NTN5: variants seen among roughly 807,000 people sequenced by gnomAD.
NTN5 encodes netrin-5.
A neutral mutation model predicts 38.7 loss-of-function variants in NTN5; 42 were observed. The observed-to-expected ratio is 1.08, with a 90% confidence interval of 0.85 to 1.40. The LOEUF (loss-of-function observed/expected upper bound fraction) is 1.40, where lower values mean the gene tolerates loss of function less well. Ranked by LOEUF, NTN5 falls within the 40% of genes most tolerant of loss-of-function variation. The probability of loss-of-function intolerance (pLI) is 0.00; values close to 1 mark genes in which losing one functional copy is unlikely to be tolerated. For synonymous variants in NTN5, 329 were observed against 303.9 expected (o/e 1.08, Z -0.86); for missense variants, 658 against 716.5 (o/e 0.92, Z 0.93).
rs770526726 is a variant in NTN5 at position 48,661,631 on chromosome 19, G to C, written c.*46C>G. The C allele has an allele frequency of 6.8e-7, 1 of 1,465,028 alleles. No homozygotes were observed. Among genetic ancestry groups the C allele is most frequent in the Non-Finnish European group, 9.0e-7 (1 of 1,116,124 alleles). 90.8% of individuals were successfully genotyped at this position (1,465,028 alleles called of 1,614,324 possible). On this transcript the variant is annotated 3_prime_UTR_variant, in exon 7 of 7. Coordinates refer to ENST00000270235, the MANE Select transcript of NTN5 (RefSeq NM_145807.4). ...GAGGTAGAAGGCTCAGCTCCTAGTC[G>C]CTCCCAAATTACTTTGTTGGTGCTC...
intron 2 of NTN5, among the ~76,000 whole-genome samples, chr19:48,665,954 TATA>T (rs1183230937): frequency 1.5e-5 from 2 of 137,156 alleles, no homozygotes; most frequent in African/African-American, 3.3e-5. Flanking sequence ...AAATGGCATT[TATA>T]ATGTTTACTT....
At chr19:48,667,228 G>A (rs1354365841) in intron 2 of NTN5, 1 of 167,922 alleles carries the variant, frequency 6.0e-6, no homozygotes, top group Non-Finnish European at 1.4e-5. Flanking sequence ...GGAGAACTCA[G>A]ATGAGGGAGA....
chr19:48,670,601 G>T lies in NTN5; in HGVS notation c.386C>A (p.Pro129His). The change falls in exon 2 of 7, where the codon CCT (proline) becomes CAT (histidine). Residue 129 changes from proline to histidine, a missense_variant. Physicochemically the swap from Pro to His is moderately conservative, Grantham distance 77. Transcript: ENST00000270235. ...GTGGCTGGCCGCCACAGTGGCCTTA[G>T]GACCTGGTGTGGAGTGGAAGGTCAC... is the stretch of plus-strand genomic sequence containing the variant. ...ERVTFHSTPG[P>H]KATVAASHLR... 6.3e-7 allele frequency: 1 copy of T among 1,590,714 alleles called. No homozygotes were observed. The highest frequency in any genetic ancestry group is 8.6e-7 in the Non-Finnish European group (1 of 1,169,198).
In NTN5 at chr19:48,664,746, G is replaced by A; in HGVS notation, c.653C>T (p.Ala218Val). The A allele has an allele frequency of 2.5e-6, 4 of 1,572,226 alleles. No homozygotes were observed. The highest frequency in any genetic ancestry group is 2.6e-6 in the Non-Finnish European group (3 of 1,160,014). The change falls in exon 3 of 7, where the codon GCC (alanine) becomes GTC (valine). Residue 218 changes from alanine (A) to valine (V), a missense_variant. Coordinates refer to ENST00000270235, the MANE Select transcript of NTN5 (RefSeq NM_145807.4). ...PCLPCSCNQH[A>V]RRCRFNSELF... is the part of the protein sequence containing the mutation. ...CTCAGAGTTGAACCGGCAGCGTCGG[G>A]CGTGCTGGTTGCAGGAGCAGGCTAG... is the stretch of plus-strand genomic sequence containing the variant.
At chr19:48,669,444 CCAT>C (rs1568452110) in intron 2 of NTN5, among the ~76,000 whole-genome samples, 1 of 47,744 alleles carries the variant, frequency 2.1e-5, no homozygotes, top group Non-Finnish European at 4.4e-5. Flanking sequence ...ACCACCACCA[CCAT>C]CACCACCATG....
Position 48,664,721 on chromosome 19 carries a change from C to G in NTN5, c.678G>C (p.Glu226Asp). 6.2e-7 allele frequency: 1 copy of G among 1,600,368 alleles called. No individual in the cohort carries two copies. The highest frequency in any genetic ancestry group is 8.5e-7 in the Non-Finnish European group (1 of 1,173,640). Residue 226 changes from glutamate to aspartate, a missense_variant, in exon 3 of 7, where the codon GAG (glutamate) becomes GAC (aspartate). Physicochemically the swap from Glu to Asp is conservative, Grantham distance 45. Coordinates refer to ENST00000270235, the MANE Select transcript of NTN5 (RefSeq NM_145807.4). Reference protein sequence around the residue: ...QHARRCRFNSELFRLSGGRSG... With the variant: ...QHARRCRFNSDLFRLSGGRSG... ...TCCGGCCGCCCGACAGTCTGAACAG[C>G]TCAGAGTTGAACCGGCAGCGTCGGG...
At chr19:48,662,096 G>C (rs2031565908) in intron 6 of NTN5, 55 bp from the exon 7 acceptor site, 1 of 1,355,274 alleles carries the variant, frequency 7.4e-7, no homozygotes, top group African/African-American at 1.6e-5. Flanking sequence ...GGGTACCTCT[G>C]GGTCCCGTGG....
At position 48,671,105 on chromosome 19, in the gene NTN5, T is replaced by C. The variant is rs1200898318; in HGVS notation, c.-20-99A>G. On this transcript the variant is annotated intron_variant, in intron 1 of 6. Transcript: ENST00000270235. ...ACTGGGGCATTCCACCCCCAACCCG[T>C]CCAGGCCCCCTCCCCGGCTGCATGG... is the stretch of plus-strand genomic sequence containing the variant. 8 of 820,726 alleles carry C rather than the reference T, an allele frequency of 9.7e-6. No individual in the cohort carries two copies. The Admixed American group carries it at 1.7e-4, about 17-fold the overall frequency. The allele number at this position is 820,726 out of a possible 1,614,324, so 50.8% of individuals were successfully genotyped here.
At chr19:48,665,919 C>G (rs1248937486) in intron 2 of NTN5, among the ~76,000 whole-genome samples, 2 of 151,940 alleles carry the variant, frequency 1.3e-5, no homozygotes, top group Non-Finnish European at 2.9e-5. Flanking sequence ...GGTAATTTAT[C>G]CCTTCTGTAG....
rs141446313 is a variant in NTN5 at position 48,664,623 on chromosome 19, C to G, written c.776G>C (p.Trp259Ser). Residue 259 changes from tryptophan to serine, a missense_variant, in exon 3 of 7, where the codon TGG becomes TCG. Physicochemically the swap from Trp to Ser is radical, Grantham distance 177. Coordinates refer to ENST00000270235, the MANE Select transcript of NTN5 (RefSeq NM_145807.4). ...RHCHYCQPGFWRDPSQPIFSR... is the reference protein window; with the variant it reads ...RHCHYCQPGFSRDPSQPIFSR... ...GAAGATAGGCTGGCTAGGGTCCCTCCAGAACCCAGGTTGGCAGTAGTGGCA... is the reference window on the plus strand; with the variant it reads ...GAAGATAGGCTGGCTAGGGTCCCTCGAGAACCCAGGTTGGCAGTAGTGGCA... The G allele has an allele frequency of 8.7e-6, 14 of 1,613,720 alleles. No homozygotes were observed. In the African/African-American group the frequency reaches 1.9e-4, roughly 21 times the overall value.
In NTN5 at chr19:48,661,740, C is replaced by T; in HGVS notation, c.1407G>A (p.Glu469=). The T allele has an allele frequency of 6.5e-7, 1 of 1,534,622 alleles. No individual in the cohort carries two copies. The change falls in exon 7 of 7, where the codon GAG becomes GAA. Residue 469 remains glutamate (E), a synonymous_variant. Coordinates refer to ENST00000270235, the MANE Select transcript of NTN5 (RefSeq NM_145807.4). ...CGCCGCGGCAGCCTCCGGCGCGCTCCTCCTGCTGCAGCCGCTTCAGGGGCC... is the reference window on the plus strand; with the variant it reads ...CGCCGCGGCAGCCTCCGGCGCGCTCTTCCTGCTGCAGCCGCTTCAGGGGCC... The part of the protein sequence containing the change: ...WARPLKRLQQ[E]ERAGGCRGVR...
rs377166833 is a variant in NTN5, at chr19:48,663,872, C to G, written c.971-58G>C. On this transcript the variant is annotated intron_variant, in intron 4 of 6. Coordinates refer to ENST00000270235, the MANE Select transcript of NTN5 (RefSeq NM_145807.4). ...TCATTTCCCCCAGGATCCCCTCGCC[C>G]CTGCCCCGGGAATCCAGGCACCCAA... 159 of 1,543,636 alleles carry G rather than the reference C, an allele frequency of 1.0e-4. No individual in the cohort carries two copies. In the Middle Eastern group the frequency reaches 1.9e-3, roughly 18 times the overall value.
chr19:48,664,003 T>C (rs1404052272), intron 4 of NTN5, 140 bp downstream of exon 4: 3 of 1,229,534 alleles, frequency 2.4e-6, no homozygotes, highest in Non-Finnish European at 3.4e-6. Flanking sequence ...TCCCTGCTTA[T>C]CCGAGGGCCC....
At position 48,663,544 on chromosome 19, in the gene NTN5, C is replaced by T. The variant is rs758408718; in HGVS notation, c.1025-1G>A. On this transcript the variant is annotated splice_acceptor_variant, in intron 5 of 6. Coordinates refer to ENST00000270235, the MANE Select transcript of NTN5 (RefSeq NM_145807.4). LOFTEE classifies it high-confidence loss of function. ...TTGCAGTAGTTTTGACACTGAGGGT[C>T]TGGGGAGGGTCAGGCTGTCTGCAGT... is the stretch of plus-strand genomic sequence containing the variant. 2 of 1,614,142 alleles carry T rather than the reference C, an allele frequency of 1.2e-6. No individual in the cohort carries two copies. Among genetic ancestry groups the T allele is most frequent in the Non-Finnish European group, 1.7e-6 (2 of 1,179,968 alleles).
At chr19:48,662,064 CCCAGGTCGTGGG>C in intron 6 of NTN5, 23 bp from the exon 7 acceptor site, 1 of 1,433,402 alleles carries the variant, frequency 7.0e-7, no homozygotes, top group Non-Finnish European at 9.1e-7. Flanking sequence ...GAGATGTCAG[CCCAGGTCGTGGG>C]GAGCTTCCAG....
At chr19:48,672,272 A>G (rs1601217375) in intron 1 of NTN5, among the ~76,000 whole-genome samples, 2 of 152,134 alleles carry the variant, frequency 1.3e-5, no homozygotes, top group African/African-American at 4.8e-5. Context: ...GCTGGGAAGG[A>G]CTGGACTCTG....
At position 48,661,726 on chromosome 19, in the gene NTN5, C is replaced by G; in HGVS notation, c.1421G>C (p.Gly474Ala). 6.5e-7 allele frequency: 1 copy of G among 1,549,840 alleles called. No individual in the cohort carries two copies. The change falls in exon 7 of 7, where the codon GGC (glycine) becomes GCC (alanine). Residue 474 changes from glycine to alanine, a missense_variant. Transcript: ENST00000270235. The part of the protein sequence containing the change: ...KRLQQEERAG[G>A]CRGVRAPTPS... ...TGTGGGTGCCCGCACGCCGCGGCAG[C>G]CTCCGGCGCGCTCCTCCTGCTGCAG...
In NTN5 at chr19:48,669,913, C is replaced by T. The variant is rs1308998791; in HGVS notation, c.631+443G>A. 3.1e-5 allele frequency among the ~76,000 whole-genome samples: 4 copies of T among 130,200 alleles called. No individual in the cohort carries two copies. The East Asian group carries it at 7.6e-4, about 25-fold the overall frequency. The allele number at this position is 130,200 out of a possible 152,430, so 85.4% of individuals were successfully genotyped here. On this transcript the variant is annotated intron_variant, in intron 2 of 6. Coordinates refer to ENST00000270235, the MANE Select transcript of NTN5 (RefSeq NM_145807.4). ...CCATCACCACCACCATCACCACCAC[C>T]ACCATCACCATCATCACCACTACCA...
chr19:48,670,476 G>A lies in NTN5; in HGVS notation c.511C>T (p.Arg171Trp), dbSNP rs756296468. 2.2e-5 allele frequency: 32 copies of A among 1,473,494 alleles called. No individual in the cohort carries two copies. Among genetic ancestry groups the A allele is most frequent in the Admixed American group, 5.1e-5 (2 of 39,158 alleles). The allele number at this position is 1,473,494 out of a possible 1,614,324, so 91.3% of individuals were successfully genotyped here. A position where few individuals can be genotyped will look rare whatever the true frequency, so the allele number is the denominator to read the frequency against. The change falls in exon 2 of 7, where the codon CGG becomes TGG. Residue 171 changes from arginine (R) to tryptophan (W), a missense_variant. Transcript: ENST00000270235. ...GHAARCAARA[R>W]PPRCHCRHHT... Reference sequence around the variant, plus strand: ...TGGCGGCAGTGGCAGCGGGGGGGCCGGGCACGGGCGGCACAGCGGGCAGCG... The same window carrying A: ...TGGCGGCAGTGGCAGCGGGGGGGCCAGGCACGGGCGGCACAGCGGGCAGCG...
Sources: gnomAD v4.1 joint callset for allele counts (sites outside exome capture counted in the v4.1 genomes callset) on GRCh38, gnomAD v4.1.1 for gene constraint, MANE v1.5 for transcripts, NCBI Gene and HGNC (gene_info 2026-07-23, HGNC 2026-07-21) for gene names.